The following PICALM variants were observed in gnomAD, a reference collection of about 807,000 sequenced individuals.
PICALM encodes the protein phosphatidylinositol binding clathrin assembly protein.
In PICALM, 40 loss-of-function variants were observed where a neutral mutation model predicts 80.5. That is an observed-to-expected ratio of 0.50 (90% CI 0.39 to 0.65). The LOEUF (loss-of-function observed/expected upper bound fraction) is 0.65. Ranked by LOEUF, PICALM falls within the 30% of genes least tolerant of loss-of-function variation. PICALM has a pLI of 0.00. For synonymous variants in PICALM, 288 were observed against 260.3 expected (o/e 1.11, Z -1.02); for missense variants, 676 against 778.9 (o/e 0.87, Z 1.57).
chr11:85,978,171 CAGAG>C (rs1305560431), intron 17 of PICALM: 3 of 1,220,860 alleles, frequency 2.5e-6, no homozygotes, highest in African/African-American at 1.5e-5. Context: ...AGAAAATACA[CAGAG>C]AGCATTTTAG....
At chr11:86,020,384 T>C (rs1034917811) in intron 4 of PICALM, among the ~76,000 whole-genome samples, 6 of 124,396 alleles carry the variant, frequency 4.8e-5, no homozygotes, top group Admixed American at 9.9e-5. Flanking sequence ...GAAATTCACA[T>C]GGGAATGCAA....
intron 1 of PICALM, among the ~76,000 whole-genome samples, chr11:86,064,395 C>CT (rs2096413074): frequency 6.6e-6 from 1 of 152,140 alleles, no homozygotes; most frequent in African/African-American, 2.4e-5. Context: ...TATGGTGACT[C>CT]ACACCTATAA....
intron 19 of PICALM, among the ~76,000 whole-genome samples, chr11:85,962,028 A>G (rs935257204): frequency 6.6e-6 from 1 of 152,192 alleles, no homozygotes; most frequent in Non-Finnish European, 1.5e-5. Context: ...CCTAATGCAT[A>G]TCTTGTTCCC....
intron 1 of PICALM, among the ~76,000 whole-genome samples, chr11:86,050,896 C>A (rs978162136): frequency 3.0e-4 from 46 of 152,066 alleles, no homozygotes; most frequent in African/African-American, 1.1e-3. Flanking sequence ...CTATGTTGTA[C>A]AAGGTGGCCT....
In PICALM at chr11:85,996,933, G is replaced by A. The variant is rs753216283; in HGVS notation, c.1155-4C>T. On this transcript the variant is annotated splice_region_variant and splice_polypyrimidine_tract_variant and intron_variant, in intron 11 of 19. Transcript: ENST00000393346. The stretch of plus-strand genomic sequence containing the variant: ...ATCATTGGGCAGCTTTGATGTGCTA[G>A]AAAGATATTTTGGAAACGTGTTTTA... 2 of 1,601,314 alleles carry A rather than the reference G, an allele frequency of 1.2e-6. No homozygotes were observed. The highest frequency in any genetic ancestry group is 1.7e-6 in the Non-Finnish European group (2 of 1,171,226).
At chr11:86,027,315 T>G (rs1464771073) in intron 2 of PICALM, among the ~76,000 whole-genome samples, 1 of 152,170 alleles carries the variant, frequency 6.6e-6, no homozygotes, top group African/African-American at 2.4e-5. Context: ...ATTGCCAAAA[T>G]GGTCTCTGAA....
chr11:86,031,626 T>C lies in PICALM; in HGVS notation c.131-15A>G. On this transcript the variant is annotated splice_polypyrimidine_tract_variant and intron_variant, in intron 1 of 19. Coordinates refer to ENST00000393346, the MANE Select transcript of PICALM (RefSeq NM_007166.4). ...CTGAATTAAGTCTGCAATAAAAAAT[T>C]TTTAAATGATTAATTTCCTCTGTGG... is the stretch of plus-strand genomic sequence containing the variant. 2 of 1,576,568 alleles carry C rather than the reference T, an allele frequency of 1.3e-6. No individual in the cohort carries two copies. Among genetic ancestry groups the C allele is most frequent in the Non-Finnish European group, 1.7e-6 (2 of 1,161,248 alleles).
intron 7 of PICALM, 32 bp from the exon 8 acceptor site, chr11:86,007,615 T>A: frequency 6.6e-6 from 7 of 1,064,360 alleles, no homozygotes; most frequent in Non-Finnish European, 9.3e-6. Context: ...TAATAAATTA[T>A]AATAAAAATA....
intron 1 of PICALM, among the ~76,000 whole-genome samples, chr11:86,042,281 T>C (rs981082645): frequency 6.6e-6 from 1 of 151,784 alleles, no homozygotes; most frequent in Non-Finnish European, 1.5e-5. Flanking sequence ...AATCATATTT[T>C]GGTAAGCACC....
chr11:85,992,284 GTT>G (rs5793178), intron 12 of PICALM, among the ~76,000 whole-genome samples: 43 of 141,614 alleles, frequency 3.0e-4, no homozygotes, highest in Admixed American at 7.7e-4. Flanking sequence ...GGTGTGTTTT[GTT>G]TTTTTTTTTT....
chr11:85,962,873 T>C (rs2093736304), intron 19 of PICALM, among the ~76,000 whole-genome samples: 1 of 152,200 alleles, frequency 6.6e-6, no homozygotes, highest in Admixed American at 6.5e-5. Flanking sequence ...CTGACCATCC[T>C]ACCCCTTCCT....
chr11:85,973,191 G>T (rs1388935463), intron 19 of PICALM, among the ~76,000 whole-genome samples: 1 of 152,158 alleles, frequency 6.6e-6, no homozygotes, highest in Non-Finnish European at 1.5e-5. Flanking sequence ...CAACCAACAT[G>T]AATTTTACCC....
chr11:85,968,586 C>T (rs928704882), intron 19 of PICALM, among the ~76,000 whole-genome samples: 1 of 152,130 alleles, frequency 6.6e-6, no homozygotes, highest in Non-Finnish European at 1.5e-5. Flanking sequence ...TGTCTTCATG[C>T]TTAATAACAT....
At position 86,031,453 on chromosome 11, in the gene PICALM, T is replaced by C; in HGVS notation, c.273+16A>G. On this transcript the variant is annotated intron_variant, in intron 2 of 19. Coordinates refer to ENST00000393346, the MANE Select transcript of PICALM (RefSeq NM_007166.4). ...TCAACACATCAGTATACTTGTTCAA[T>C]AAAAATTCTGCTTACCTCATTTCCA... 6.2e-7 allele frequency: 1 copy of C among 1,600,116 alleles called. No homozygotes were observed. The highest frequency in any genetic ancestry group is 8.5e-7 in the Non-Finnish European group (1 of 1,173,550).
chr11:86,055,537 T>A (rs1265344638), intron 1 of PICALM, among the ~76,000 whole-genome samples: 2 of 152,124 alleles, frequency 1.3e-5, no homozygotes, highest in African/African-American at 4.8e-5. Context: ...ATCACCAAAC[T>A]ATACCCAGTA....
At chr11:86,042,629 C>T (rs1045589891) in intron 1 of PICALM, among the ~76,000 whole-genome samples, 8 of 145,682 alleles carry the variant, frequency 5.5e-5, no homozygotes, top group Non-Finnish European at 8.9e-5. Context: ...ACTAACTGTT[C>T]GTTAGCCCAG....
In PICALM at chr11:86,069,009, T is replaced by C. The variant is rs2096486311; in HGVS notation, c.-229A>G. 7.4e-6 allele frequency: 4 copies of C among 542,748 alleles called. No homozygotes were observed. Among genetic ancestry groups the C allele is most frequent in the Middle Eastern group, 4.9e-4 (1 of 2,042 alleles). 33.6% of individuals were successfully genotyped at this position (542,748 alleles called of 1,614,324 possible). ...TGTCGGGCACTCCCTTGCCCCCGCC[T>C]CAGTTCAGCCCACCCCTTCCCGGGT... On this transcript the variant is annotated 5_prime_UTR_variant, in exon 1 of 20. Coordinates refer to ENST00000393346, the MANE Select transcript of PICALM (RefSeq NM_007166.4).
intron 1 of PICALM, among the ~76,000 whole-genome samples, chr11:86,058,851 T>TA (rs1384383310): frequency 3.3e-5 from 5 of 152,188 alleles, no homozygotes; most frequent in Non-Finnish European, 5.9e-5. Flanking sequence ...GCAGCTCTGA[T>TA]AAACTCCTCA....
At chr11:86,046,998 C>T (rs536557867) in intron 1 of PICALM, among the ~76,000 whole-genome samples, 1 of 152,330 alleles carries the variant, frequency 6.6e-6, no homozygotes, top group South Asian at 2.1e-4. Context: ...TTAACAACAG[C>T]CTTGTGCCAA....
Sources: allele counts gnomAD v4.1 joint callset (sites outside exome capture counted in the v4.1 genomes callset), GRCh38; gene constraint gnomAD v4.1.1; transcripts MANE v1.5; gene names NCBI Gene and HGNC (gene_info 2026-07-23, HGNC 2026-07-21).